Variants in NME7 observed in about 807,000 individuals in gnomAD.
NME7 encodes NME/NM23 family member 7.
A neutral mutation model predicts 49.1 loss-of-function variants in NME7; 41 were observed. The ratio of observed to expected loss-of-function variants is 0.83; its 90% CI spans 0.65 to 1.08. The LOEUF (loss-of-function observed/expected upper bound fraction) is 1.08. Among genes scored for constraint, NME7 ranks in the 50% least tolerant of loss-of-function variants. The pLI, the probability that NME7 is intolerant of heterozygous loss-of-function variation, is 0.00. For missense variants in NME7, 423 were observed against 463.4 expected, an observed-to-expected ratio of 0.91 and a Z score of 0.80; for synonymous variants, 139 against 150.6, an observed-to-expected ratio of 0.92 and a Z score of 0.56.
At chr1:169,342,531 AG>A in intron 1 of NME7, among the ~76,000 whole-genome samples, 1 of 124,704 alleles carries the variant, frequency 8.0e-6, no homozygotes, top group Non-Finnish European at 1.7e-5. Context: ...TATATATACA[AG>A]TACATATATA....
At chr1:169,173,812 A>G (rs529386825) in intron 10 of NME7, among the ~76,000 whole-genome samples, 1 of 152,268 alleles carries the variant, frequency 6.6e-6, no homozygotes, top group South Asian at 2.1e-4. Context: ...CCCTTCAAGG[A>G]GCAGAAGCAA....
At chr1:169,297,765 C>T (rs1253224383) in intron 6 of NME7, among the ~76,000 whole-genome samples, 1 of 152,076 alleles carries the variant, frequency 6.6e-6, no homozygotes, top group Non-Finnish European at 1.5e-5. Context: ...GCTGATTTTA[C>T]TTGGGTAAGG....
intron 7 of NME7, among the ~76,000 whole-genome samples, chr1:169,277,153 T>C (rs1649769315): frequency 6.7e-6 from 1 of 150,250 alleles, no homozygotes; most frequent in South Asian, 2.2e-4. Context: ...GCTGAAAATA[T>C]GTATATTCTG....
In NME7 at chr1:169,163,863, C is replaced by A. The variant is rs554582882; in HGVS notation, c.1098+5584G>T. On this transcript the variant is annotated intron_variant, in intron 11 of 11. Coordinates refer to ENST00000367811, the MANE Select transcript of NME7 (RefSeq NM_013330.5). ...TGGTAGCTTACATCTGTAATCCCAG[C>A]ACTTTGGGAAGCCAAGGCGGGCAGA... 4.2e-4 allele frequency among the ~76,000 whole-genome samples: 64 copies of A among 152,218 alleles called. 1 individual carries two copies. Among genetic ancestry groups the A allele is most frequent in the Non-Finnish European group, 7.4e-5 (5 of 68,012 alleles).
intron 11 of NME7, among the ~76,000 whole-genome samples, chr1:169,147,871 T>C (rs1026892896): frequency 6.6e-6 from 1 of 152,164 alleles, no homozygotes. Flanking sequence ...AACATTCAGA[T>C]TAAAGGTGAG....
At chr1:169,143,054 A>T (rs1025244844) in intron 11 of NME7, among the ~76,000 whole-genome samples, 7 of 152,208 alleles carry the variant, frequency 4.6e-5, no homozygotes, top group Non-Finnish European at 8.8e-5. Context: ...TTCAGTTGTT[A>T]TACTATTATT....
At chr1:169,230,228 T>G (rs554173005) in intron 10 of NME7, among the ~76,000 whole-genome samples, 2 of 152,216 alleles carry the variant, frequency 1.3e-5, no homozygotes, top group Non-Finnish European at 2.9e-5. Context: ...CACTGTTAAA[T>G]GTCCAAGAAA....
chr1:169,138,977 C>T (rs1056164675), intron 11 of NME7, among the ~76,000 whole-genome samples: 6 of 152,164 alleles, frequency 3.9e-5, no homozygotes, highest in Non-Finnish European at 7.4e-5. Context: ...TATCTAGCCC[C>T]TTTTGCCTCG....
intron 10 of NME7, among the ~76,000 whole-genome samples, chr1:169,181,134 TTATCTATCTATC>T (rs60560425): frequency 0.017 from 2,167 of 124,080 alleles, 47 homozygotes; most frequent in African/African-American, 0.051. Flanking sequence ...TCCTATCTAT[TTATCTATCTATC>T]TATCTATCTA....
At chr1:169,243,356 A>G in intron 7 of NME7, among the ~76,000 whole-genome samples, 1 of 152,250 alleles carries the variant, frequency 6.6e-6, no homozygotes, top group African/African-American at 2.4e-5. Flanking sequence ...GTTACTTCCC[A>G]GAAGGAAGTC....
intron 7 of NME7, among the ~76,000 whole-genome samples, chr1:169,252,918 T>C (rs1382791032): frequency 6.7e-6 from 1 of 149,996 alleles, no homozygotes; most frequent in Non-Finnish European, 1.5e-5. Flanking sequence ...TCCATTGATC[T>C]ATATCTCTGT....
intron 10 of NME7, among the ~76,000 whole-genome samples, chr1:169,187,138 C>T (rs571314198): frequency 1.3e-5 from 2 of 152,114 alleles, no homozygotes; most frequent in South Asian, 4.2e-4. Context: ...TTATGATTTT[C>T]GTTCTTCTGC....
At chr1:169,283,075 G>C (rs1211111099) in intron 7 of NME7, among the ~76,000 whole-genome samples, 1 of 152,104 alleles carries the variant, frequency 6.6e-6, no homozygotes, top group Non-Finnish European at 1.5e-5. Context: ...TATTGTGTGG[G>C]AGTCTAAGTC....
intron 1 of NME7, among the ~76,000 whole-genome samples, chr1:169,363,057 T>C (rs922122308): frequency 2.0e-5 from 3 of 149,942 alleles, no homozygotes; most frequent in Non-Finnish European, 4.4e-5. Flanking sequence ...CTGGGCAGCA[T>C]AGTGAGACCC....
intron 6 of NME7, among the ~76,000 whole-genome samples, chr1:169,296,417 C>G (rs1025501394): frequency 6.6e-6 from 1 of 151,988 alleles, no homozygotes; most frequent in Non-Finnish European, 1.5e-5. Flanking sequence ...TCAGTTTTTC[C>G]TCTTACCTCT....
intron 7 of NME7, among the ~76,000 whole-genome samples, chr1:169,278,208 T>C (rs1408085142): frequency 6.1e-5 from 9 of 148,306 alleles, no homozygotes; most frequent in Non-Finnish European, 9.1e-5. Flanking sequence ...GCATTCTCTG[T>C]ATTTCCTGAA....
intron 1 of NME7, among the ~76,000 whole-genome samples, chr1:169,339,183 C>G (rs1425299213): frequency 6.6e-6 from 1 of 152,126 alleles, no homozygotes; most frequent in Non-Finnish European, 1.5e-5. Context: ...CCCCCAAACT[C>G]TAATATTTGT....
At chr1:169,188,276 C>T (rs1660128728) in intron 10 of NME7, among the ~76,000 whole-genome samples, 1 of 152,012 alleles carries the variant, frequency 6.6e-6, no homozygotes, top group Non-Finnish European at 1.5e-5. Flanking sequence ...TTTTGTTTTG[C>T]TTTGTTTGAA....
chr1:169,349,950 G>T (rs543234896), intron 1 of NME7, among the ~76,000 whole-genome samples: 1 of 152,154 alleles, frequency 6.6e-6, no homozygotes, highest in African/African-American at 2.4e-5. Context: ...CAGCACTTTG[G>T]GAGGCCGAGG....
Sources: gnomAD v4.1 joint callset for allele counts (sites outside exome capture counted in the v4.1 genomes callset) on GRCh38, gnomAD v4.1.1 for gene constraint, MANE v1.5 for transcripts, NCBI Gene and HGNC (gene_info 2026-07-23, HGNC 2026-07-21) for gene names.